ANXA3: variants seen among roughly 807,000 people sequenced by gnomAD.
ANXA3 encodes the protein annexin A3, also known as 35-alpha calcimedin.
ANXA3 carries 46 observed loss-of-function variants against 48.8 expected under a neutral mutation model. The observed-to-expected ratio is 0.94, with a 90% CI of 0.74 to 1.21. The LOEUF (loss-of-function observed/expected upper bound fraction) is 1.21. Among genes scored for constraint, ANXA3 ranks in the 50% most tolerant of loss-of-function variants. The pLI is 0.00. For synonymous variants in ANXA3, 128 were observed against 134.7 expected (o/e 0.95, Z 0.35); for missense variants, 383 against 378.6 (o/e 1.01, Z -0.10).
At chr4:78,595,582 G>C (rs954763539) in intron 8 of ANXA3, 145 bp downstream of exon 8, 20 of 1,009,298 alleles carry the variant, frequency 2.0e-5, no homozygotes, top group Non-Finnish European at 2.6e-5. Context: ...CTGAAGCTTG[G>C]GGATCGGAAC....
chr4:78,574,144 C>T (rs917046081), intron 3 of ANXA3, among the ~76,000 whole-genome samples: 6 of 152,196 alleles, frequency 3.9e-5, no homozygotes, highest in Non-Finnish European at 8.8e-5. Flanking sequence ...CTTGGTTGGG[C>T]ATGGTGGCTC....
At chr4:78,610,010 C>A in intron 12 of ANXA3, 46 bp from the exon 13 acceptor site, 2 of 1,428,432 alleles carry the variant, frequency 1.4e-6, no homozygotes, top group Non-Finnish European at 2.0e-6. Flanking sequence ...TATGGTCTCC[C>A]ATTATTTATA....
intron 2 of ANXA3, among the ~76,000 whole-genome samples, chr4:78,559,374 C>T (rs2109924756): frequency 6.6e-6 from 1 of 152,308 alleles, no homozygotes; most frequent in East Asian, 1.9e-4. Flanking sequence ...TGAGCCACCA[C>T]ACCCAGTGGT....
In ANXA3 at chr4:78,595,355, G is replaced by A. The variant is rs201313982; in HGVS notation, c.484-26G>A. The A allele has an allele frequency of 1.5e-4, 250 of 1,613,058 alleles. 2 individuals are homozygous for A. The African/African-American group carries it at 3.1e-3, about 20-fold the overall frequency. ...TAGAATCTTCTATCTTTAAAGGATG[G>A]CCCTTGTTTTCGTCCTCCTGTTTAG... On this transcript the variant is annotated intron_variant, in intron 7 of 12. Transcript: ENST00000264908.
chr4:78,582,057 T>C (rs1055994092), intron 4 of ANXA3, 120 bp from the exon 5 acceptor site: 6 of 620,984 alleles, frequency 9.7e-6, no homozygotes, highest in Non-Finnish European at 1.7e-5. Flanking sequence ...CTTCTGTTTA[T>C]TCCCTGTGGA....
At chr4:78,558,960 C>G (rs1722571940) in intron 2 of ANXA3, among the ~76,000 whole-genome samples, 1 of 152,224 alleles carries the variant, frequency 6.6e-6, no homozygotes, top group African/African-American at 2.4e-5. Flanking sequence ...GGTAAATACT[C>G]TGAGCTCTTT....
chr4:78,597,421 C>A lies in ANXA3; in HGVS notation c.730+7C>A. 2 of 1,557,450 alleles carry A rather than the reference C, an allele frequency of 1.3e-6. No homozygotes were observed. Among genetic ancestry groups the A allele is most frequent in the Non-Finnish European group, 1.8e-6 (2 of 1,135,348 alleles). On this transcript the variant is annotated splice_region_variant and intron_variant, in intron 10 of 12. Transcript: ENST00000264908. ...GACTTACTGTTGGCCATAGGTAAGA[C>A]TTCGAGTGCTGGTAAACTAAGTTAC...
Position 78,586,681 on chromosome 4 carries a change from G to A in ANXA3, c.403+331G>A, listed in dbSNP as rs115162650. ...CTCAAATCGTATTTTATTTTTAGGC[G>A]TTAGAAATCACTCAGATTAGATCCA... On this transcript the variant is annotated intron_variant, in intron 6 of 12. Transcript: ENST00000264908. 7.0e-3 allele frequency among the ~76,000 whole-genome samples: 1,068 copies of A among 152,260 alleles called. 18 individuals are homozygous for A. The highest frequency in any genetic ancestry group is 0.024 in the African/African-American group (991 of 41,540).
chr4:78,578,262 C>T (rs1310657402), intron 3 of ANXA3, among the ~76,000 whole-genome samples: 7 of 130,360 alleles, frequency 5.4e-5, no homozygotes, highest in South Asian at 2.5e-4. Context: ...GCCTGGGCAA[C>T]GAGAGAGAGA....
Position 78,554,434 on chromosome 4 carries a change from A to T in ANXA3, c.-38-2A>T. ...CATTTACTAATTGTTTTCTTTTAAT[A>T]GATTAGTGTGATCTCAGCTCAAGGC... On this transcript the variant is annotated splice_acceptor_variant, in intron 1 of 12. Coordinates refer to ENST00000264908, the MANE Select transcript of ANXA3 (RefSeq NM_005139.3). LOFTEE classifies it low-confidence loss of function (5UTR_SPLICE). The T allele has an allele frequency of 6.3e-7, 1 of 1,590,814 alleles. No individual in the cohort carries two copies. The highest frequency in any genetic ancestry group is 8.6e-7 in the Non-Finnish European group (1 of 1,159,892).
At chr4:78,553,579 G>T (rs1460771088) in intron 1 of ANXA3, among the ~76,000 whole-genome samples, 1 of 152,172 alleles carries the variant, frequency 6.6e-6, no homozygotes, top group Non-Finnish European at 1.5e-5. Context: ...AGTTTATCTG[G>T]CTGTAACCCC....
intron 12 of ANXA3, 31 bp from the exon 13 acceptor site, chr4:78,610,025 A>C: frequency 6.5e-7 from 1 of 1,530,230 alleles, no homozygotes; most frequent in Non-Finnish European, 9.0e-7. Context: ...TTTATACTGT[A>C]TTTGTTCTTC....
At chr4:78,604,124 T>C (rs1320336915) in intron 11 of ANXA3, 153 bp from the exon 12 acceptor site, 1 of 700,268 alleles carries the variant, frequency 1.4e-6, no homozygotes, top group Non-Finnish European at 2.1e-6. Flanking sequence ...CAAATATTTC[T>C]TGAATAATGA....
intron 2 of ANXA3, among the ~76,000 whole-genome samples, chr4:78,569,280 A>G (rs1722791979): frequency 6.6e-6 from 1 of 152,030 alleles, no homozygotes; most frequent in Non-Finnish European, 1.5e-5. Flanking sequence ...TTTTTTTTAA[A>G]TAGACTTTGC....
At chr4:78,594,211 G>A (rs529409451) in intron 7 of ANXA3, among the ~76,000 whole-genome samples, 51 of 152,264 alleles carry the variant, frequency 3.3e-4, no homozygotes, top group African/African-American at 1.2e-3. Context: ...GTTCCTCTAT[G>A]TCTTTTCATG....
At chr4:78,599,761 C>CA (rs1273789195) in intron 10 of ANXA3, among the ~76,000 whole-genome samples, 4 of 151,536 alleles carry the variant, frequency 2.6e-5, no homozygotes, top group Non-Finnish European at 5.9e-5. Context: ...AAAGATTCTA[C>CA]AAAAAAATAA....
intron 4 of ANXA3, among the ~76,000 whole-genome samples, chr4:78,580,709 C>T (rs564655068): frequency 6.6e-6 from 1 of 152,330 alleles, no homozygotes; most frequent in Non-Finnish European, 1.5e-5. Flanking sequence ...AGACACCCTT[C>T]TCTGAGCTCC....
At chr4:78,558,785 T>G (rs1168509427) in intron 2 of ANXA3, among the ~76,000 whole-genome samples, 1 of 152,206 alleles carries the variant, frequency 6.6e-6, no homozygotes, top group Non-Finnish European at 1.5e-5. Flanking sequence ...TCTTATTGGT[T>G]TGTACTCCTT....
intron 2 of ANXA3, among the ~76,000 whole-genome samples, chr4:78,559,342 G>A (rs747642985): frequency 6.6e-6 from 1 of 151,998 alleles, no homozygotes; most frequent in East Asian, 1.9e-4. Flanking sequence ...ATTGGCCTTC[G>A]GAAGTGTTGG....
Sources: allele counts gnomAD v4.1 joint callset (sites outside exome capture counted in the v4.1 genomes callset), GRCh38; gene constraint gnomAD v4.1.1; transcripts MANE v1.5; gene names NCBI Gene and HGNC (gene_info 2026-07-23, HGNC 2026-07-21).